ZKSCAN7: variants seen among roughly 807,000 people sequenced by gnomAD.
ZKSCAN7 encodes the protein zinc finger protein with KRAB and SCAN domains 7.
ZKSCAN7 carries 38 observed loss-of-function variants against 65.3 expected under a neutral mutation model. The ratio of observed to expected loss-of-function variants is 0.58; its 90% CI spans 0.45 to 0.76. The LOEUF (loss-of-function observed/expected upper bound fraction) is 0.76. Among genes scored for constraint, ZKSCAN7 ranks in the 30% least tolerant of loss-of-function variants. The pLI is 0.00. For missense variants in ZKSCAN7, 815 were observed against 913.3 expected (o/e 0.89, Z 1.39); for synonymous variants, 321 against 321.0 (o/e 1.00, Z 0.00).
At chr3:44,582,886 C>A in intron 5 of ZKSCAN7, 1 of 413,180 alleles carries the variant, frequency 2.4e-6, no homozygotes, top group Admixed American at 2.7e-5. Context: ...GATCACAGCT[C>A]CCTTAATGTA....
chr3:44,581,107 C>A, intron 5 of ZKSCAN7: 2 of 1,000,698 alleles, frequency 2.0e-6, no homozygotes, highest in Non-Finnish European at 2.4e-6. Context: ...CGGCCGCCGC[C>A]GCATCCCTCG....
chr3:44,566,641 TA>T (rs1332154997), intron 3 of ZKSCAN7, among the ~76,000 whole-genome samples: 2 of 152,082 alleles, frequency 1.3e-5, no homozygotes, highest in Admixed American at 6.5e-5. Flanking sequence ...GTTATTTATT[TA>T]TTTTTTTTAA....
chr3:44,580,480 T>C (rs1370375042), intron 5 of ZKSCAN7: 24 of 1,607,990 alleles, frequency 1.5e-5, no homozygotes, highest in Non-Finnish European at 1.9e-5. Context: ...CTGCTGCTGC[T>C]GCTGCTGCTG....
chr3:44,580,903 C>T, intron 5 of ZKSCAN7: 1 of 1,613,478 alleles, frequency 6.2e-7, no homozygotes, highest in Non-Finnish European at 8.5e-7. Context: ...ATGGGTTTTG[C>T]CTGCGTCAGG....
chr3:44,580,985 G>T, intron 5 of ZKSCAN7: 1 of 1,611,444 alleles, frequency 6.2e-7, no homozygotes, highest in Non-Finnish European at 8.5e-7. Context: ...TGAAGATGTT[G>T]GCCTGGAATT....
At position 44,577,394 on chromosome 3, in the gene ZKSCAN7, C is replaced by G. The variant is rs192585413; in HGVS notation, c.812-5578C>G. Reference sequence around the variant, plus strand: ...CTAAGCTGCATCAGTGGAACAAATACAAAATGCTGTCCTCCTCCCAGGCTG... The same window carrying G: ...CTAAGCTGCATCAGTGGAACAAATAGAAAATGCTGTCCTCCTCCCAGGCTG... On this transcript the variant is annotated intron_variant, in intron 5 of 5. Coordinates refer to the ZKSCAN7 transcript ENST00000341840. Among the ~76,000 whole-genome samples, 78 of 152,024 alleles carry G rather than the reference C, an allele frequency of 5.1e-4. No individual in the cohort carries two copies. The East Asian group carries it at 0.01, about 20-fold the overall frequency.
chr3:44,581,192 G>C (rs1262095783), intron 5 of ZKSCAN7, among the ~76,000 whole-genome samples: 7 of 146,938 alleles, frequency 4.8e-5, no homozygotes, highest in African/African-American at 1.7e-4. Flanking sequence ...CTCCTGAGCC[G>C]CCCGGGCCTC....
intron 2 of ZKSCAN7, among the ~76,000 whole-genome samples, chr3:44,565,264 C>G (rs1470182486): frequency 6.6e-6 from 1 of 152,052 alleles, no homozygotes; most frequent in Non-Finnish European, 1.5e-5. Flanking sequence ...TCCTCAAGCC[C>G]CTACCAAAAG....
downstream of ZKSCAN7, among the ~76,000 whole-genome samples, chr3:44,575,825 G>A (rs1210574255): frequency 1.3e-5 from 2 of 152,146 alleles, no homozygotes; most frequent in South Asian, 2.1e-4. Context: ...TGATCCGCCC[G>A]CCTCGGCCTC....
intron 5 of ZKSCAN7, 83 bp downstream of exon 5, chr3:44,568,516 A>C: frequency 6.5e-7 from 1 of 1,536,840 alleles, no homozygotes; most frequent in South Asian, 1.3e-5. Context: ...TAAACTTTTT[A>C]CCATGAAAAT....
At chr3:44,581,119 CGGCCCTGCCACA>C (rs936218641) in intron 5 of ZKSCAN7, 1 of 993,276 alleles carries the variant, frequency 1.0e-6, no homozygotes, top group Non-Finnish European at 1.2e-6. Context: ...CATCCCTCGC[CGGCCCTGCCACA>C]GGCCCTGACC....
chr3:44,568,187 C>T, intron 4 of ZKSCAN7, 120 bp from the exon 5 acceptor site: 5 of 1,542,996 alleles, frequency 3.2e-6, no homozygotes, highest in South Asian at 1.3e-5. Flanking sequence ...GGTGTCATCT[C>T]AGCTCCTCTC....
At chr3:44,580,759 G>C in intron 5 of ZKSCAN7, 1 of 1,613,776 alleles carries the variant, frequency 6.2e-7, no homozygotes, top group Non-Finnish European at 8.5e-7. Context: ...AGGGTCGTGG[G>C]CATCTCATCC....
At chr3:44,572,415 T>A (rs1699833588), downstream of ZKSCAN7, among the ~76,000 whole-genome samples, 1 of 151,592 alleles carries the variant, frequency 6.6e-6, no homozygotes, top group Non-Finnish European at 1.5e-5. Flanking sequence ...AGAGAGTGTG[T>A]GTGTGTGTGT....
intron 5 of ZKSCAN7, chr3:44,580,314 A>G: frequency 2.5e-6 from 4 of 1,613,774 alleles, no homozygotes; most frequent in Non-Finnish European, 3.4e-6. Context: ...TTTGCTCTCC[A>G]GCCCAGGTTC....
downstream of ZKSCAN7, among the ~76,000 whole-genome samples, chr3:44,574,357 G>A (rs760881591): frequency 6.6e-5 from 10 of 152,084 alleles, no homozygotes; most frequent in Admixed American, 3.3e-4. Flanking sequence ...CAAGCGGTCC[G>A]CCTGTCTTGG....
downstream of ZKSCAN7, among the ~76,000 whole-genome samples, chr3:44,572,592 G>A (rs985183433): frequency 4.6e-5 from 7 of 152,052 alleles, no homozygotes; most frequent in Non-Finnish European, 4.4e-5. Flanking sequence ...GCTCACGCCT[G>A]TAATCCCAGG....
intron 5 of ZKSCAN7, among the ~76,000 whole-genome samples, chr3:44,579,160 G>A (rs56732355): frequency 1.3e-3 from 191 of 152,334 alleles, no homozygotes; most frequent in African/African-American, 4.1e-3. Context: ...TCTTGAGGTC[G>A]CTCACAGGCA....
chr3:44,575,356 T>C (rs1699903042), downstream of ZKSCAN7, among the ~76,000 whole-genome samples: 1 of 152,332 alleles, frequency 6.6e-6, no homozygotes, highest in South Asian at 2.1e-4. Flanking sequence ...ATCACCTAGC[T>C]TTCCTGTGTC....
Sources: allele counts gnomAD v4.1 joint callset (sites outside exome capture counted in the v4.1 genomes callset), GRCh38; gene constraint gnomAD v4.1.1; transcripts MANE v1.5; gene names NCBI Gene and HGNC (gene_info 2026-07-23, HGNC 2026-07-21).